USP34: variants seen among roughly 807,000 people sequenced by gnomAD.
The protein encoded by USP34 is ubiquitin specific peptidase 34.
In USP34, 70 loss-of-function variants were observed where a neutral mutation model predicts 460.3. That is an observed-to-expected ratio of 0.15 (90% CI 0.13 to 0.19). The LOEUF (loss-of-function observed/expected upper bound fraction) is 0.19, where lower values mean the gene tolerates loss of function less well. Among genes scored for constraint, USP34 ranks in the 10% least tolerant of loss-of-function variants. The pLI, the probability that USP34 is intolerant of heterozygous loss-of-function variation, is 1.00. For missense variants in USP34, 3,985 were observed against 4,236.2 expected (o/e 0.94, Z 1.65); for synonymous variants, 1,647 against 1,405.3 (o/e 1.17, Z -3.85).
chr2:61,241,539 T>G, intron 53 of USP34, 21 bp downstream of exon 53: 2 of 1,550,858 alleles, frequency 1.3e-6, no homozygotes, highest in Non-Finnish European at 1.8e-6. Context: ...AAAATGTTGC[T>G]CAAATGAAAT....
intron 1 of USP34, among the ~76,000 whole-genome samples, chr2:61,423,030 AAAAC>A (rs548258214): frequency 2.4e-3 from 362 of 152,354 alleles, no homozygotes; most frequent in African/African-American, 8.0e-3. Flanking sequence ...CCCCCTCTCA[AAAAC>A]AAACAAACAA....
intron 41 of USP34, among the ~76,000 whole-genome samples, chr2:61,269,920 T>C (rs1002999593): frequency 6.6e-6 from 1 of 152,162 alleles, no homozygotes; most frequent in African/African-American, 2.4e-5. Context: ...ATTGGGAATA[T>C]TTCAAATCCT....
chr2:61,449,729 T>C (rs1209473201), intron 1 of USP34, among the ~76,000 whole-genome samples: 1 of 152,094 alleles, frequency 6.6e-6, no homozygotes, highest in Non-Finnish European at 1.5e-5. Context: ...GAATAGATTT[T>C]TCTAAAAATG....
chr2:61,411,190 G>A (rs1694025373), intron 2 of USP34, among the ~76,000 whole-genome samples: 1 of 151,850 alleles, frequency 6.6e-6, no homozygotes, highest in Non-Finnish European at 1.5e-5. Context: ...TTCAAGACTG[G>A]TCTAGGCAAC....
intron 1 of USP34, among the ~76,000 whole-genome samples, chr2:61,446,750 C>T (rs945580561): frequency 6.7e-6 from 1 of 149,362 alleles, no homozygotes; most frequent in Non-Finnish European, 1.5e-5. Context: ...GAGCCGAGAT[C>T]GTGCCACTAC....
intron 41 of USP34, among the ~76,000 whole-genome samples, chr2:61,276,423 G>C (rs1572893626): frequency 6.6e-6 from 1 of 151,968 alleles, no homozygotes; most frequent in African/African-American, 2.4e-5. Context: ...TCATTTTTTA[G>C]TGAAAATCGA....
At position 61,446,161 on chromosome 2, in the gene USP34, A is replaced by G. The variant is rs1485157531; in HGVS notation, c.43+24489T>C. ...TAAACTAAAACTTAGAAATGTCTACATATTTATTCATTCATTTATAAATAC... is the reference window on the plus strand; with the variant it reads ...TAAACTAAAACTTAGAAATGTCTACGTATTTATTCATTCATTTATAAATAC... On this transcript the variant is annotated intron_variant, in intron 1 of 79. Coordinates refer to ENST00000398571, the MANE Select transcript of USP34 (RefSeq NM_014709.4). Among the ~76,000 whole-genome samples the G allele has an allele frequency of 2.0e-5, 3 of 151,836 alleles. No individual in the cohort carries two copies. In the South Asian group the frequency reaches 6.2e-4, roughly 31 times the overall value.
intron 57 of USP34, among the ~76,000 whole-genome samples, chr2:61,232,834 CTTAT>C (rs1687947179): frequency 9.1e-6 from 1 of 109,588 alleles, no homozygotes; most frequent in Non-Finnish European, 1.8e-5. Flanking sequence ...ATCTTTAGTT[CTTAT>C]TAATTATATA....
intron 3 of USP34, among the ~76,000 whole-genome samples, chr2:61,397,389 G>C (rs1358548869): frequency 6.7e-6 from 1 of 150,032 alleles, no homozygotes; most frequent in African/African-American, 2.5e-5. Context: ...GTCGCAGTGA[G>C]TCACGATTGC....
At chr2:61,264,646 A>C (rs1688992397) in intron 43 of USP34, among the ~76,000 whole-genome samples, 1 of 152,208 alleles carries the variant, frequency 6.6e-6, no homozygotes, top group South Asian at 2.1e-4. Flanking sequence ...TGCCTCAAAA[A>C]AATAAAAATA....
chr2:61,396,056 A>C (rs1225955058), intron 3 of USP34, among the ~76,000 whole-genome samples: 2 of 145,860 alleles, frequency 1.4e-5, no homozygotes, highest in Non-Finnish European at 3.0e-5. Flanking sequence ...AACTGTCTCA[A>C]AAAAAAAAAA....
chr2:61,218,174 T>G (rs73932695), intron 67 of USP34, among the ~76,000 whole-genome samples: 5,130 of 151,496 alleles, frequency 0.034, 297 homozygotes, highest in African/African-American at 0.12. Context: ...GTTTTTTTTT[T>G]TTGTTGGTTT....
At chr2:61,251,490 A>G (rs1318597883) in intron 48 of USP34, among the ~76,000 whole-genome samples, 3 of 152,264 alleles carry the variant, frequency 2.0e-5, no homozygotes, top group East Asian at 1.9e-4. Context: ...AAGCCAAGAT[A>G]TAACTACAAA....
chr2:61,226,280 T>C (rs1382831723), intron 62 of USP34, among the ~76,000 whole-genome samples: 2 of 152,222 alleles, frequency 1.3e-5, no homozygotes, highest in Non-Finnish European at 2.9e-5. Flanking sequence ...TGGAAAGGCA[T>C]GTCAGGCAAC....
rs73936116 is a variant in USP34, at chr2:61,314,761, T to G, written c.3383-17A>C. On this transcript the variant is annotated splice_polypyrimidine_tract_variant and intron_variant, in intron 24 of 79. Coordinates refer to ENST00000398571, the MANE Select transcript of USP34 (RefSeq NM_014709.4). ...CTGTTTTACCTGAAAGCCAAATGTTTAGACACATATATTAGCCTTATATTC... is the reference window on the plus strand; with the variant it reads ...CTGTTTTACCTGAAAGCCAAATGTTGAGACACATATATTAGCCTTATATTC... The G allele has an allele frequency of 5.0e-4, 783 of 1,575,456 alleles. 2 individuals carry two copies. In the African/African-American group the frequency reaches 9.8e-3, roughly 20 times the overall value.
At chr2:61,378,671 C>A (rs1003377132) in intron 7 of USP34, among the ~76,000 whole-genome samples, 10 of 151,974 alleles carry the variant, frequency 6.6e-5, no homozygotes, top group Non-Finnish European at 1.5e-4. Flanking sequence ...TTTAGGAGGC[C>A]AAGGCAGGTG....
intron 75 of USP34, 113 bp downstream of exon 75, chr2:61,203,027 C>A: frequency 9.2e-7 from 1 of 1,086,484 alleles, no homozygotes; most frequent in South Asian, 2.2e-5. Context: ...TATTTTTAAG[C>A]ATTCACTTTA....
At chr2:61,224,125 T>C (rs6734628) in intron 62 of USP34, among the ~76,000 whole-genome samples, 49,829 of 152,186 alleles carry the variant, frequency 0.33, 8,350 homozygotes, top group Non-Finnish European at 0.38. Context: ...CTGAAGTTTC[T>C]AAAAAGATTT....
chr2:61,225,346 A>G (rs2103818186), intron 62 of USP34, among the ~76,000 whole-genome samples: 1 of 152,220 alleles, frequency 6.6e-6, no homozygotes, highest in East Asian at 1.9e-4. Context: ...TATAATTACT[A>G]TTACAGTTTA....
Sources: gnomAD v4.1 joint callset for allele counts (sites outside exome capture counted in the v4.1 genomes callset) on GRCh38, gnomAD v4.1.1 for gene constraint, MANE v1.5 for transcripts, NCBI Gene and HGNC (gene_info 2026-07-23, HGNC 2026-07-21) for gene names.